MEF2C: variants seen among roughly 807,000 people sequenced by gnomAD.
The protein encoded by MEF2C is myocyte enhancer factor 2C.
In MEF2C, 6 loss-of-function variants were observed where a neutral mutation model predicts 50.5. That is an observed-to-expected ratio of 0.12 (90% CI 0.07 to 0.23). The LOEUF is 0.23. MEF2C is among the 10% of genes least tolerant of loss of function. The pLI is 1.00. For synonymous variants in MEF2C, 183 were observed against 228.0 expected, an observed-to-expected ratio of 0.80 and a Z score of 1.78; for missense variants, 276 against 605.0, an observed-to-expected ratio of 0.46 and a Z score of 5.70.
chr5:88,776,869 G>T (rs1192570419), intron 3 of MEF2C, among the ~76,000 whole-genome samples: 1 of 152,126 alleles, frequency 6.6e-6, no homozygotes, highest in Non-Finnish European at 1.5e-5. Flanking sequence ...CCTGGCAGTG[G>T]CTCGGCACCT....
chr5:88,753,958 C>T (rs1774044142), intron 4 of MEF2C, among the ~76,000 whole-genome samples: 1 of 152,142 alleles, frequency 6.6e-6, no homozygotes, highest in South Asian at 2.1e-4. Flanking sequence ...CATTAAAAGG[C>T]CAAATAAGGA....
intron 1 of MEF2C, among the ~76,000 whole-genome samples, chr5:88,848,174 TA>T (rs1221228725): frequency 6.6e-6 from 1 of 152,128 alleles, no homozygotes; most frequent in Non-Finnish European, 1.5e-5. Context: ...ATTTGCCATT[TA>T]AAAAAACTCC....
At chr5:88,760,929 G>A in intron 4 of MEF2C, 1 of 1,546,164 alleles carries the variant, frequency 6.5e-7, no homozygotes, top group Non-Finnish European at 8.7e-7. Flanking sequence ...CACTGAGAGG[G>A]TTAAGGTATG....
chr5:88,818,601 G>A (rs568527780), intron 2 of MEF2C, among the ~76,000 whole-genome samples: 12 of 152,064 alleles, frequency 7.9e-5, no homozygotes, highest in African/African-American at 2.6e-4. Flanking sequence ...TTTAGGAAAC[G>A]ACTTCTCCCC....
intron 1 of MEF2C, among the ~76,000 whole-genome samples, chr5:88,854,958 T>A (rs1822755253): frequency 6.6e-6 from 1 of 152,212 alleles, no homozygotes; most frequent in African/African-American, 2.4e-5. Flanking sequence ...TTAGTATTTA[T>A]GTGAATGGCT....
At chr5:88,895,854 G>T (rs887468575) in intron 1 of MEF2C, among the ~76,000 whole-genome samples, 1 of 152,142 alleles carries the variant, frequency 6.6e-6, no homozygotes, top group Non-Finnish European at 1.5e-5. Context: ...CAGAGGAGCC[G>T]GCCACTACAG....
upstream of MEF2C, chr5:88,884,386 A>G (rs1169815779): frequency 1.3e-5 from 2 of 152,166 alleles, no homozygotes; most frequent in African/African-American, 4.8e-5. Flanking sequence ...CTTTTCCTGC[A>G]CGCCCAGAAG....
intron 1 of MEF2C, among the ~76,000 whole-genome samples, chr5:88,852,640 G>T (rs1821812498): frequency 6.6e-6 from 1 of 152,234 alleles, no homozygotes; most frequent in Non-Finnish European, 1.5e-5. Flanking sequence ...GCAGGCCAAG[G>T]TTGGCAGATA....
At position 88,743,056 on chromosome 5, in the gene MEF2C, C is replaced by A. The variant is rs1767595478; in HGVS notation, c.637+6014G>T. The A allele has an allele frequency of 3.1e-6, 3 of 973,458 alleles. No individual in the cohort carries two copies. The Admixed American group carries it at 1.9e-4, about 60-fold the overall frequency. The allele number at this position is 973,458 out of a possible 1,614,324, so 60.3% of individuals were successfully genotyped here. ...TGAATTCAGAATTTTTAATTCAGAA[C>A]AATTCAAACTAATGGAACAATACTT... On this transcript the variant is annotated intron_variant, in intron 6 of 10. Transcript: ENST00000504921.
intron 1 of MEF2C, among the ~76,000 whole-genome samples, chr5:88,863,884 C>G (rs1386009496): frequency 6.6e-6 from 1 of 150,676 alleles, no homozygotes; most frequent in Non-Finnish European, 1.5e-5. Context: ...TGCAATAGCA[C>G]CATCTCGGCT....
intron 1 of MEF2C, among the ~76,000 whole-genome samples, chr5:88,826,427 A>G (rs1466530173): frequency 1.3e-5 from 2 of 151,940 alleles, no homozygotes; most frequent in African/African-American, 2.4e-5. Flanking sequence ...GTGCAGAGTA[A>G]TATGTGGTGA....
chr5:88,740,515 C>T (rs1046702587), intron 6 of MEF2C: 18 of 982,186 alleles, frequency 1.8e-5, no homozygotes, highest in African/African-American at 1.0e-4. Flanking sequence ...AAGAAGCTTC[C>T]GTTACTTGAC....
intron 2 of MEF2C, among the ~76,000 whole-genome samples, chr5:88,819,730 G>T (rs1807351259): frequency 6.6e-6 from 1 of 151,882 alleles, no homozygotes; most frequent in African/African-American, 2.4e-5. Context: ...ATAAACTGTA[G>T]CCTACAAGTG....
intron 1 of MEF2C, among the ~76,000 whole-genome samples, chr5:88,851,233 C>CAAAAAAAAAAA (rs35458971): frequency 9.4e-6 from 1 of 106,850 alleles, no homozygotes; most frequent in Non-Finnish European, 1.8e-5. Context: ...CTCCATCTCA[C>CAAAAAAAAAAA]AAAAAAAAAA....
chr5:88,842,702 A>G (rs1460740517), intron 1 of MEF2C, among the ~76,000 whole-genome samples: 1 of 152,132 alleles, frequency 6.6e-6, no homozygotes, highest in Non-Finnish European at 1.5e-5. Context: ...CAGTAGGAAA[A>G]AGGTGAGATA....
intron 1 of MEF2C, among the ~76,000 whole-genome samples, chr5:88,897,053 A>G (rs747677930): frequency 6.6e-6 from 1 of 151,910 alleles, no homozygotes; most frequent in Non-Finnish European, 1.5e-5. Flanking sequence ...TTCTTTTTTG[A>G]TTTATCAGAA....
chr5:88,822,354 A>T (rs1269179529), intron 2 of MEF2C, among the ~76,000 whole-genome samples: 1 of 151,996 alleles, frequency 6.6e-6, no homozygotes, highest in Non-Finnish European at 1.5e-5. Context: ...CAATTAAAAA[A>T]TAGCGGTTTT....
chr5:88,785,848 A>G (rs1790589564), intron 3 of MEF2C, among the ~76,000 whole-genome samples: 1 of 152,222 alleles, frequency 6.6e-6, no homozygotes, highest in African/African-American at 2.4e-5. Context: ...AGGAAAAAAA[A>G]AAAAGTATCC....
intron 3 of MEF2C, among the ~76,000 whole-genome samples, chr5:88,780,216 T>C (rs889636703): frequency 1.3e-5 from 2 of 152,142 alleles, no homozygotes; most frequent in African/African-American, 4.8e-5. Context: ...ATAAAATCTC[T>C]TGTATTTGTA....
Sources: gnomAD v4.1 joint callset for allele counts (sites outside exome capture counted in the v4.1 genomes callset) on GRCh38, gnomAD v4.1.1 for gene constraint, MANE v1.5 for transcripts, NCBI Gene and HGNC (gene_info 2026-07-23, HGNC 2026-07-21) for gene names.